Variants in TPH2 observed in about 807,000 individuals in gnomAD.
TPH2 encodes the protein tryptophan 5-hydroxylase 2.
A neutral mutation model predicts 59.1 loss-of-function variants in TPH2; 27 were observed. The observed-to-expected ratio is 0.46, with a 90% CI of 0.34 to 0.63. TPH2 has a LOEUF of 0.63. TPH2 is among the 30% of genes least tolerant of loss of function. The pLI is 0.01. For missense variants in TPH2, 523 were observed against 588.3 expected (o/e 0.89, Z 1.15); for synonymous variants, 220 against 210.5 (o/e 1.05, Z -0.39).
chr12:72,005,411 A>G (rs1367654290), intron 8 of TPH2, among the ~76,000 whole-genome samples: 1 of 152,130 alleles, frequency 6.6e-6, no homozygotes, highest in Non-Finnish European at 1.5e-5. Context: ...TGTAGAAAAA[A>G]TTTAAAACAT....
At position 71,972,791 on chromosome 12, in the gene TPH2, G is replaced by A. The variant is rs986376200; in HGVS notation, c.805+76G>A. 6.6e-5 allele frequency: 96 copies of A among 1,452,648 alleles called. 1 individual carries two copies. In the South Asian group the frequency reaches 8.8e-4, roughly 13 times the overall value. The allele number at this position is 1,452,648 out of a possible 1,614,324, so 90.0% of individuals were successfully genotyped here. The stretch of plus-strand genomic sequence containing the variant: ...TCCAAGGACACAGGTTGCAGCAATG[G>A]CTCTTTTTCCAAAAAAGGAAAAACA... On this transcript the variant is annotated intron_variant, in intron 6 of 10. Transcript: ENST00000333850.
chr12:72,003,844 CT>C (rs1213263317), intron 8 of TPH2, among the ~76,000 whole-genome samples: 1 of 152,196 alleles, frequency 6.6e-6, no homozygotes, highest in Non-Finnish European at 1.5e-5. Context: ...CAACTCAAAT[CT>C]TTCTTTGTTA....
At chr12:71,974,173 A>G (rs1872051923) in intron 6 of TPH2, among the ~76,000 whole-genome samples, 2 of 152,038 alleles carry the variant, frequency 1.3e-5, no homozygotes, top group South Asian at 2.1e-4. Context: ...TGTTTTTTCT[A>G]AACTCATCAG....
intron 8 of TPH2, among the ~76,000 whole-genome samples, chr12:72,009,824 T>A (rs772268169): frequency 6.6e-6 from 1 of 152,192 alleles, no homozygotes; most frequent in Non-Finnish European, 1.5e-5. Context: ...GAACACGATG[T>A]AAACATCAAT....
chr12:71,953,568 T>G (rs1871411925), intron 5 of TPH2, among the ~76,000 whole-genome samples: 1 of 152,196 alleles, frequency 6.6e-6, no homozygotes, highest in South Asian at 2.1e-4. Context: ...ATTTTTCTAG[T>G]GCTGATGGTT....
At chr12:72,024,163 A>T (rs1296382739) in intron 9 of TPH2, among the ~76,000 whole-genome samples, 1 of 152,212 alleles carries the variant, frequency 6.6e-6, no homozygotes, top group East Asian at 1.9e-4. Flanking sequence ...TAATACAAAA[A>T]GTGTGACAAT....
chr12:72,022,975 A>G (rs1873463921), intron 9 of TPH2, among the ~76,000 whole-genome samples: 1 of 152,254 alleles, frequency 6.6e-6, no homozygotes, highest in African/African-American at 2.4e-5. Context: ...ACATGTGTGG[A>G]CATAAACAAT....
intron 8 of TPH2, among the ~76,000 whole-genome samples, chr12:72,006,785 T>G (rs1872964593): frequency 6.6e-6 from 1 of 152,182 alleles, no homozygotes. Flanking sequence ...TTGCACAAGT[T>G]ACTTAACCTC....
chr12:71,993,187 ATC>A (rs1450395474), intron 7 of TPH2, among the ~76,000 whole-genome samples: 1 of 152,150 alleles, frequency 6.6e-6, no homozygotes, highest in Non-Finnish European at 1.5e-5. Context: ...GAGTGATGCT[ATC>A]TGTTTTATGT....
Position 72,009,869 on chromosome 12 carries a change from C to T in TPH2, c.1069-12530C>T, listed in dbSNP as rs547688334. On this transcript the variant is annotated intron_variant, in intron 8 of 10. Coordinates refer to ENST00000333850, the MANE Select transcript of TPH2 (RefSeq NM_173353.4). The stretch of plus-strand genomic sequence containing the variant: ...CTGTAATGTTCAGTCACTCTGGGGA[C>T]AGAAGGAAGATAGTGTGGTATGGTA... 3.3e-5 allele frequency among the ~76,000 whole-genome samples: 5 copies of T among 152,210 alleles called. No homozygotes were observed. The East Asian group carries it at 7.7e-4, about 24-fold the overall frequency.
chr12:71,996,682 A>G (rs1455556801), intron 8 of TPH2, among the ~76,000 whole-genome samples: 2 of 152,042 alleles, frequency 1.3e-5, no homozygotes, highest in South Asian at 2.1e-4. Context: ...GTGTGTGTGC[A>G]TGTGTGCATG....
chr12:71,960,690 T>G (rs553714814), intron 5 of TPH2, among the ~76,000 whole-genome samples: 8 of 152,292 alleles, frequency 5.3e-5, no homozygotes, highest in African/African-American at 1.9e-4. Flanking sequence ...TGGAAAACAT[T>G]AACGCAATAT....
Position 71,941,748 on chromosome 12 carries a change from T to C in TPH2, c.255+15T>C, listed in dbSNP as rs1386035360. 5.0e-6 allele frequency: 8 copies of C among 1,612,658 alleles called. No homozygotes were observed. Among genetic ancestry groups the C allele is most frequent in the African/African-American group, 4.0e-5 (3 of 74,892 alleles). The stretch of plus-strand genomic sequence containing the variant: ...GGCTCTTTCAGGTGAATGTGAAATA[T>C]CATTACATAATTTTAAAAGTGACCG... On this transcript the variant is annotated intron_variant, in intron 2 of 10. Transcript: ENST00000333850.
chr12:71,981,365 A>T (rs560338360), intron 7 of TPH2, among the ~76,000 whole-genome samples: 1 of 152,330 alleles, frequency 6.6e-6, no homozygotes, highest in African/African-American at 2.4e-5. Flanking sequence ...GAGCTATCCA[A>T]GGTTCTTAGG....
intron 5 of TPH2, among the ~76,000 whole-genome samples, chr12:71,956,133 C>T (rs975333292): frequency 7.2e-5 from 11 of 152,224 alleles, no homozygotes; most frequent in Non-Finnish European, 1.5e-4. Flanking sequence ...GGCCTCTCTA[C>T]CAGGCAGCCT....
At chr12:71,975,411 G>A (rs1471838630) in intron 6 of TPH2, among the ~76,000 whole-genome samples, 1 of 152,062 alleles carries the variant, frequency 6.6e-6, no homozygotes, top group African/African-American at 2.4e-5. Context: ...ACAGGCAGTG[G>A]GCTGGATTTG....
intron 7 of TPH2, among the ~76,000 whole-genome samples, chr12:71,990,074 G>A (rs924931576): frequency 2.6e-5 from 4 of 151,984 alleles, no homozygotes; most frequent in African/African-American, 9.7e-5. Context: ...CATTATTCAG[G>A]CAAAAATGTA....
chr12:72,026,038 A>C (rs1028401516), intron 9 of TPH2, among the ~76,000 whole-genome samples: 1 of 152,216 alleles, frequency 6.6e-6, no homozygotes, highest in African/African-American at 2.4e-5. Flanking sequence ...AAGTGACAGT[A>C]AAGTTTGTTC....
intron 8 of TPH2, among the ~76,000 whole-genome samples, chr12:72,021,024 AATT>A (rs71953320): frequency 0.53 from 79,715 of 151,300 alleles, 22,257 homozygotes; most frequent in Non-Finnish European, 0.64. Flanking sequence ...TGCTGGAAAT[AATT>A]ATTATTTTCT....
Sources: allele counts gnomAD v4.1 joint callset (sites outside exome capture counted in the v4.1 genomes callset), GRCh38; gene constraint gnomAD v4.1.1; transcripts MANE v1.5; gene names NCBI Gene and HGNC (gene_info 2026-07-23, HGNC 2026-07-21).